Variants in CMTM3 observed in about 807,000 individuals in gnomAD.
CMTM3 encodes CKLF-like MARVEL transmembrane domain-containing protein 3.
In CMTM3, 7 loss-of-function variants were observed where a neutral mutation model predicts 18.2. The ratio of observed to expected loss-of-function variants is 0.38; its 90% CI spans 0.22 to 0.72. CMTM3 has a LOEUF of 0.72. CMTM3 is among the 30% of genes least tolerant of loss of function. The pLI, the probability that CMTM3 is intolerant of heterozygous loss-of-function variation, is 0.46. For missense variants in CMTM3, 227 were observed against 249.2 expected (o/e 0.91, Z 0.60); for synonymous variants, 109 against 111.2 (o/e 0.98, Z 0.12).
At position 66,609,154 on chromosome 16, in the gene CMTM3, C is replaced by T. The variant is rs1056554763; in HGVS notation, c.304-281C>T. Among the ~76,000 whole-genome samples, 4 of 151,742 alleles carry T rather than the reference C, an allele frequency of 2.6e-5. No individual in the cohort carries two copies. The highest frequency in any genetic ancestry group is 9.7e-5 in the African/African-American group (4 of 41,304). The stretch of plus-strand genomic sequence containing the variant: ...GGGTGTTTCCAACTTCTGCTTCCAC[C>T]GCATCGCAGGGCAGGCTGCACCCTG... On this transcript the variant is annotated intron_variant, in intron 2 of 4. Coordinates refer to ENST00000567572, the MANE Select transcript of CMTM3 (RefSeq NM_181553.4). This position sits in a 1 kb window ranked among gnomAD's most constrained non-coding sequence, Gnocchi z 4.4.
rs1407382885 is a variant in CMTM3, at chr16:66,605,042, G to A, written c.147+90G>A. On this transcript the variant is annotated intron_variant, in intron 1 of 4. Transcript: ENST00000567572. The surrounding 1 kb of genome is among the most constrained non-coding windows in gnomAD (Gnocchi z 4.6). ...CGGGGCGCGGGTGGGGTCCGGGGGCGGCCGCCGTGCTCCGATACCCCCTCT... is the reference window on the plus strand; with the variant it reads ...CGGGGCGCGGGTGGGGTCCGGGGGCAGCCGCCGTGCTCCGATACCCCCTCT... 8.3e-7 allele frequency: 1 copy of A among 1,209,218 alleles called. No homozygotes were observed. The highest frequency in any genetic ancestry group is 1.1e-6 in the Non-Finnish European group (1 of 935,840). 74.9% of individuals were successfully genotyped at this position (1,209,218 alleles called of 1,614,324 possible).
In CMTM3 at chr16:66,610,826, T is replaced by G. The variant is rs181803688; in HGVS notation, c.520+823T>G. 1 of 398,578 alleles carries G rather than the reference T, an allele frequency of 2.5e-6. No homozygotes were observed. Among genetic ancestry groups the G allele is most frequent in the East Asian group, 3.6e-5 (1 of 28,058 alleles). 24.7% of individuals were successfully genotyped at this position (398,578 alleles called of 1,614,324 possible). A position where few individuals can be genotyped will look rare whatever the true frequency, so the allele number is the denominator to read the frequency against. On this transcript the variant is annotated intron_variant, in intron 4 of 4. Coordinates refer to ENST00000567572, the MANE Select transcript of CMTM3 (RefSeq NM_181553.4). The surrounding 1 kb of genome is among the most constrained non-coding windows in gnomAD (Gnocchi z 4.6). Reference sequence around the variant, plus strand: ...CTAGGCAGGACCAGTAGGTTAGGCTTAAGAGCCACTGGTTTCCTAACAGCC... The same window carrying G: ...CTAGGCAGGACCAGTAGGTTAGGCTGAAGAGCCACTGGTTTCCTAACAGCC...
rs1349731348 is a variant in CMTM3 at position 66,608,351 on chromosome 16, G to T, written c.190G>T (p.Ala64Ser). The part of the protein sequence containing the change: ...ITFICYVASS[A>S]SAFLTAPLLE... ...TTTTATCTGCTATGTGGCGTCCTCA[G>T]CATCTGCCTTCCTCACAGCGCCTCT... The change falls in exon 2 of 5, where the codon GCA becomes TCA. Residue 64 changes from alanine to serine, a missense_variant. Ala to Ser is a moderately conservative substitution (Grantham distance 99, BLOSUM62 1). Coordinates refer to ENST00000567572, the MANE Select transcript of CMTM3 (RefSeq NM_181553.4). The surrounding 1 kb of genome is among the most constrained non-coding windows in gnomAD (Gnocchi z 5.1). 6.2e-7 allele frequency: 1 copy of T among 1,614,206 alleles called. No individual in the cohort carries two copies. Among genetic ancestry groups the T allele is most frequent in the Non-Finnish European group, 8.5e-7 (1 of 1,180,042 alleles).
In CMTM3 at chr16:66,613,182, G is replaced by T; in HGVS notation, c.*545G>T. 2.9e-6 allele frequency: 2 copies of T among 701,312 alleles called. No individual in the cohort carries two copies. Among genetic ancestry groups the T allele is most frequent in the Non-Finnish European group, 2.6e-6 (1 of 384,082 alleles). The allele number at this position is 701,312 out of a possible 1,614,324, so 43.4% of individuals were successfully genotyped here. ...GTTCCCTCTTCATTCTTGAAGCAGG[G>T]AGAAATTGACCTTTGCCTTGTCGCC... is the stretch of plus-strand genomic sequence containing the variant. On this transcript the variant is annotated 3_prime_UTR_variant, in exon 5 of 5. Coordinates refer to ENST00000567572, the MANE Select transcript of CMTM3 (RefSeq NM_181553.4).
rs943765319 is a variant in CMTM3, at chr16:66,613,604, T to A, written c.*967T>A. ...ATTTTTTTATGCAAAAGCAGCTTCT[T>A]AACAGATGGCATTTTCTGTGACTCT... On this transcript the variant is annotated 3_prime_UTR_variant, in exon 5 of 5. Coordinates refer to ENST00000567572, the MANE Select transcript of CMTM3 (RefSeq NM_181553.4). The A allele has an allele frequency of 6.5e-6, 1 of 154,424 alleles. No individual in the cohort carries two copies. The highest frequency in any genetic ancestry group is 2.4e-5 in the African/African-American group (1 of 41,506). 9.6% of individuals were successfully genotyped at this position (154,424 alleles called of 1,614,324 possible).
chr16:66,612,482 T>C lies in CMTM3; in HGVS notation c.521-127T>C, dbSNP rs1164747823. On this transcript the variant is annotated intron_variant, in intron 4 of 4. Coordinates refer to ENST00000567572, the MANE Select transcript of CMTM3 (RefSeq NM_181553.4). This position sits in a 1 kb window ranked among gnomAD's most constrained non-coding sequence, Gnocchi z 6.0. ...TGATGCCAGCGATCACTGGGAACGGTAGAGTCAGCTGCAGGAGGCCTGCAC... is the reference window on the plus strand; with the variant it reads ...TGATGCCAGCGATCACTGGGAACGGCAGAGTCAGCTGCAGGAGGCCTGCAC... 3 of 912,020 alleles carry C rather than the reference T, an allele frequency of 3.3e-6. No individual in the cohort carries two copies. In the African/African-American group the frequency reaches 4.9e-5, roughly 15 times the overall value. 56.5% of individuals were successfully genotyped at this position (912,020 alleles called of 1,614,324 possible). A position where few individuals can be genotyped will look rare whatever the true frequency, so the allele number is the denominator to read the frequency against.
chr16:66,609,119 G>GAGC lies in CMTM3; in HGVS notation c.304-313_304-311dup, dbSNP rs1326163593. On this transcript the variant is annotated intron_variant, in intron 2 of 4. Coordinates refer to ENST00000567572, the MANE Select transcript of CMTM3 (RefSeq NM_181553.4). This position sits in a 1 kb window ranked among gnomAD's most constrained non-coding sequence, Gnocchi z 4.4. ...ATCTCCCCAATGGAGAGCGGGAAGG[G>GAGC]AGCAGGTGGGGGTGTTTCCAACTTC... Among the ~76,000 whole-genome samples the GAGC allele has an allele frequency of 2.0e-5, 3 of 152,080 alleles. No individual in the cohort carries two copies. The highest frequency in any genetic ancestry group is 1.3e-4 in the Admixed American group (2 of 15,270).
At position 66,608,312 on chromosome 16, in the gene CMTM3, C is replaced by T. The variant is rs568179292; in HGVS notation, c.151C>T (p.Leu51Phe). 1.2e-6 allele frequency: 2 copies of T among 1,614,196 alleles called. No individual in the cohort carries two copies. The highest frequency in any genetic ancestry group is 2.2e-5 in the South Asian group (2 of 91,080). ...ACCTCAAACTCCTTCCCCGCAGGGT[C>T]TCTCATTCATCACTTTTATCTGCTA... ...KGRLLLAESG[L>F]SFITFICYVA... The change falls in exon 2 of 5, where the codon CTC (leucine) becomes TTC (phenylalanine). Residue 51 changes from leucine (L) to phenylalanine (F), a missense_variant. Leu to Phe is a conservative substitution (Grantham distance 22, BLOSUM62 0). Coordinates refer to ENST00000567572, the MANE Select transcript of CMTM3 (RefSeq NM_181553.4). This position sits in a 1 kb window ranked among gnomAD's most constrained non-coding sequence, Gnocchi z 5.1.
intron 1 of CMTM3, among the ~76,000 whole-genome samples, chr16:66,607,236 C>T (rs1305218692): frequency 2.0e-5 from 3 of 152,204 alleles, no homozygotes; most frequent in Non-Finnish European, 4.4e-5. Context: ...CAGGACTGCC[C>T]AGGGCTCAAC....
Position 66,605,632 on chromosome 16 carries a change from G to C in CMTM3, c.147+680G>C, listed in dbSNP as rs1216709499. Reference sequence around the variant, plus strand: ...GGCCGGGCCGGAGACCGGGGGAGGCGGGAGGAGAGAGCGGCGCACGGCGGC... The same window carrying C: ...GGCCGGGCCGGAGACCGGGGGAGGCCGGAGGAGAGAGCGGCGCACGGCGGC... On this transcript the variant is annotated intron_variant, in intron 1 of 4. Transcript: ENST00000567572. This position sits in a 1 kb window ranked among gnomAD's most constrained non-coding sequence, Gnocchi z 4.6. The C allele has an allele frequency of 6.5e-6, 1 of 154,106 alleles. No homozygotes were observed. Among genetic ancestry groups the C allele is most frequent in the African/African-American group, 2.4e-5 (1 of 41,496 alleles). The allele number at this position is 154,106 out of a possible 1,614,324, so 9.5% of individuals were successfully genotyped here. A position where few individuals can be genotyped will look rare whatever the true frequency, so the allele number is the denominator to read the frequency against.
Position 66,610,069 on chromosome 16 carries a change from A to G in CMTM3, c.520+66A>G. ...GGGCCTGCCCTCCCTCGGGGATGCC[A>G]GCTAGTTTGAGGCTGGGGTGGGATC... On this transcript the variant is annotated intron_variant, in intron 4 of 4. Transcript: ENST00000567572. This position sits in a 1 kb window ranked among gnomAD's most constrained non-coding sequence, Gnocchi z 4.6. The G allele has an allele frequency of 6.3e-7, 1 of 1,590,550 alleles. No homozygotes were observed. The highest frequency in any genetic ancestry group is 1.1e-5 in the South Asian group (1 of 89,052).
chr16:66,611,191 G>A (rs1450173014), intron 4 of CMTM3: 3 of 214,748 alleles, frequency 1.4e-5, no homozygotes, highest in Middle Eastern at 1.6e-3. Flanking sequence ...AGTGGCTCAC[G>A]CCTGTAATCT....
rs12925258 is a variant in CMTM3 at position 66,609,693 on chromosome 16, G to A, written c.399+163G>A. On this transcript the variant is annotated intron_variant, in intron 3 of 4. Transcript: ENST00000567572. This position sits in a 1 kb window ranked among gnomAD's most constrained non-coding sequence, Gnocchi z 4.4. ...CTCTCATTAAAGACTGACTCTACCC[G>A]GGGTTTTGAAAGGCTGTTTGTCAAA... The A allele has an allele frequency of 0.016, 25,037 of 1,543,562 alleles. 246 individuals are homozygous for A. The highest frequency in any genetic ancestry group is 0.019 in the Non-Finnish European group (21,484 of 1,145,236).
At chr16:66,611,509 G>A (rs1024264798) in intron 4 of CMTM3, among the ~76,000 whole-genome samples, 4 of 152,140 alleles carry the variant, frequency 2.6e-5, no homozygotes, top group Non-Finnish European at 4.4e-5. Context: ...CCCAGGAACC[G>A]GAGTGAGGGA....
rs2015344872 is a variant in CMTM3, at chr16:66,610,706, A to G, written c.520+703A>G. The G allele has an allele frequency of 7.5e-6, 3 of 397,702 alleles. No homozygotes were observed. In the East Asian group the frequency reaches 1.1e-4, roughly 14 times the overall value. The allele number at this position is 397,702 out of a possible 1,614,324, so 24.6% of individuals were successfully genotyped here. On this transcript the variant is annotated intron_variant, in intron 4 of 4. Coordinates refer to ENST00000567572, the MANE Select transcript of CMTM3 (RefSeq NM_181553.4). The surrounding 1 kb of genome is among the most constrained non-coding windows in gnomAD (Gnocchi z 4.6). ...GGAGATGCTTCTCTGGACCAGGCGG[A>G]TGTGCCCCTGTGCTGGCAGTGCCTG...
At chr16:66,606,993 C>T (rs1190005865) in intron 1 of CMTM3, among the ~76,000 whole-genome samples, 1 of 152,206 alleles carries the variant, frequency 6.6e-6, no homozygotes, top group Admixed American at 6.5e-5. Context: ...GACTCCATCT[C>T]TGGGGCGGAG....
rs2015333155 is a variant in CMTM3 at position 66,610,428 on chromosome 16, G to A, written c.520+425G>A. Among the ~76,000 whole-genome samples the A allele has an allele frequency of 6.6e-6, 1 of 152,148 alleles. No homozygotes were observed. The highest frequency in any genetic ancestry group is 1.5e-5 in the Non-Finnish European group (1 of 68,034). ...GTCAGACCCAGAAACCGTGGCAAGGGACAGATGATGTGTCCCGTACCAGGG... is the reference window on the plus strand; with the variant it reads ...GTCAGACCCAGAAACCGTGGCAAGGAACAGATGATGTGTCCCGTACCAGGG... On this transcript the variant is annotated intron_variant, in intron 4 of 4. Coordinates refer to ENST00000567572, the MANE Select transcript of CMTM3 (RefSeq NM_181553.4). The surrounding 1 kb of genome is among the most constrained non-coding windows in gnomAD (Gnocchi z 4.6).
Position 66,604,914 on chromosome 16 carries a change from C to T in CMTM3, c.109C>T (p.Leu37Phe). The part of the protein sequence containing the change: ...LRALLPARAF[L>F]CSLKGRLLLA... ...CGCCCTGCTGCCGGCGCGGGCTTTC[C>T]TCTGCTCTCTCAAAGGCCGCCTCCT... Residue 37 changes from leucine to phenylalanine, a missense_variant, in exon 1 of 5, where the codon CTC (leucine) becomes TTC (phenylalanine). Transcript: ENST00000567572. 6.7e-7 allele frequency: 1 copy of T among 1,489,468 alleles called. No homozygotes were observed. The highest frequency in any genetic ancestry group is 8.9e-7 in the Non-Finnish European group (1 of 1,129,298). 92.3% of individuals were successfully genotyped at this position (1,489,468 alleles called of 1,614,324 possible).
intron 4 of CMTM3, chr16:66,611,113 G>T (rs1251284039): frequency 2.6e-6 from 1 of 381,210 alleles, no homozygotes; most frequent in African/African-American, 2.1e-5. Context: ...TTTCACATAT[G>T]TAACAATTAT....
Sources: allele counts gnomAD v4.1 joint callset (sites outside exome capture counted in the v4.1 genomes callset), GRCh38; gene constraint gnomAD v4.1.1; non-coding constraint Gnocchi (gnomAD v3.1); transcripts MANE v1.5; gene names NCBI Gene and HGNC (gene_info 2026-07-23, HGNC 2026-07-21).